Variants in MAP3K7 observed in about 807,000 individuals in gnomAD.
The protein encoded by MAP3K7 is TGF-beta activated kinase 1.
A neutral mutation model predicts 84.8 loss-of-function variants in MAP3K7; 21 were observed. That is an observed-to-expected ratio of 0.25 (90% CI 0.18 to 0.36). The LOEUF (loss-of-function observed/expected upper bound fraction) is 0.36, where lower values mean the gene tolerates loss of function less well. Among genes scored for constraint, MAP3K7 ranks in the 10% least tolerant of loss-of-function variants. The pLI is 1.00. For missense variants in MAP3K7, 503 were observed against 747.7 expected, an observed-to-expected ratio of 0.67 and a Z score of 3.82; for synonymous variants, 241 against 247.7, an observed-to-expected ratio of 0.97 and a Z score of 0.25.
At position 90,516,743 on chromosome 6, in the gene MAP3K7, G is replaced by A. The variant is rs148978657; in HGVS notation, c.1641-62C>T. The A allele has an allele frequency of 6.1e-6, 8 of 1,304,652 alleles. No homozygotes were observed. The African/African-American group carries it at 1.0e-4, about 17-fold the overall frequency. 80.8% of individuals were successfully genotyped at this position (1,304,652 alleles called of 1,614,324 possible). Reference sequence around the variant, plus strand: ...AAAAATTCATACCTTAGTAGCTGATGATGGAAGCTCAATTAATGAGAATTT... The same window carrying A: ...AAAAATTCATACCTTAGTAGCTGATAATGGAAGCTCAATTAATGAGAATTT... On this transcript the variant is annotated intron_variant, in intron 16 of 16. Transcript: ENST00000369329.
intron 9 of MAP3K7, 75 bp from the exon 10 acceptor site, chr6:90,548,252 C>A: frequency 7.8e-7 from 1 of 1,286,024 alleles, no homozygotes; most frequent in Non-Finnish European, 1.1e-6. Flanking sequence ...ATGTAACTTA[C>A]ATTCTTTTAT....
At chr6:90,539,754 A>G (rs887076250) in intron 12 of MAP3K7, among the ~76,000 whole-genome samples, 15 of 151,860 alleles carry the variant, frequency 9.9e-5, no homozygotes, top group African/African-American at 3.4e-4. Flanking sequence ...TAAGCATTCT[A>G]TAAAGCCCTC....
At chr6:90,518,182 A>T (rs904096275) in intron 16 of MAP3K7, among the ~76,000 whole-genome samples, 1 of 151,782 alleles carries the variant, frequency 6.6e-6, no homozygotes, top group South Asian at 2.1e-4. Context: ...AAAACAATAA[A>T]TCTTTATAAT....
chr6:90,518,127 C>A (rs1278362909), intron 16 of MAP3K7, among the ~76,000 whole-genome samples: 1 of 151,646 alleles, frequency 6.6e-6, no homozygotes, highest in Admixed American at 6.6e-5. Flanking sequence ...TAAGATAAGG[C>A]ACAACTGAAT....
chr6:90,565,126 C>A (rs1776658129), intron 3 of MAP3K7, among the ~76,000 whole-genome samples: 1 of 152,054 alleles, frequency 6.6e-6, no homozygotes, highest in Non-Finnish European at 1.5e-5. Flanking sequence ...AAAATTGACA[C>A]CCTAACATCA....
Position 90,553,595 on chromosome 6 carries a change from A to T in MAP3K7, c.608-9T>A, listed in dbSNP as rs751471486. The T allele has an allele frequency of 1.9e-6, 3 of 1,595,520 alleles. No homozygotes were observed. Among genetic ancestry groups the T allele is most frequent in the Non-Finnish European group, 2.6e-6 (3 of 1,174,712 alleles). On this transcript the variant is annotated splice_polypyrimidine_tract_variant and intron_variant, in intron 6 of 16. Coordinates refer to ENST00000369329, the MANE Select transcript of MAP3K7 (RefSeq NM_145331.3). Reference sequence around the variant, plus strand: ...TTCACTGTAATTACTACCTAGAAAAAAAAAAGGTAGTATATAACCTAAAGA... The same window carrying T: ...TTCACTGTAATTACTACCTAGAAAATAAAAAGGTAGTATATAACCTAAAGA...
chr6:90,542,377 G>T (rs1422778138), intron 12 of MAP3K7: 2 of 983,328 alleles, frequency 2.0e-6, no homozygotes, highest in East Asian at 1.1e-4. Flanking sequence ...AGCCTAAAAA[G>T]AATATTTAAT....
At chr6:90,541,486 A>C (rs1194285249) in intron 12 of MAP3K7, among the ~76,000 whole-genome samples, 1 of 151,964 alleles carries the variant, frequency 6.6e-6, no homozygotes, top group African/African-American at 2.4e-5. Flanking sequence ...CCTTGGTAAA[A>C]AGGAGCCAGG....
At chr6:90,581,997 C>T (rs764849241) in intron 1 of MAP3K7, among the ~76,000 whole-genome samples, 2 of 152,170 alleles carry the variant, frequency 1.3e-5, no homozygotes, top group Non-Finnish European at 2.9e-5. Flanking sequence ...ACAAATGCTG[C>T]AGTAATTTTA....
chr6:90,526,798 G>A (rs1343624786), intron 13 of MAP3K7, among the ~76,000 whole-genome samples: 1 of 151,926 alleles, frequency 6.6e-6, no homozygotes, highest in Non-Finnish European at 1.5e-5. Context: ...GGTTTTACAG[G>A]TAAGTTCTAT....
chr6:90,548,291 A>G (rs1243164888), intron 9 of MAP3K7, 114 bp from the exon 10 acceptor site: 4 of 910,406 alleles, frequency 4.4e-6, no homozygotes, highest in South Asian at 2.0e-5. Context: ...CAGAAATAAA[A>G]TAAGACTTTT....
At chr6:90,547,912 G>T (rs1035718657) in intron 10 of MAP3K7, 135 bp downstream of exon 10, 2 of 669,304 alleles carry the variant, frequency 3.0e-6, no homozygotes, top group African/African-American at 1.9e-5. Context: ...GTCTCTATTT[G>T]TAAGCTCTTT....
At chr6:90,553,647 C>G in intron 6 of MAP3K7, 61 bp from the exon 7 acceptor site, 8 of 1,466,102 alleles carry the variant, frequency 5.5e-6, no homozygotes, top group Non-Finnish European at 6.5e-6. Flanking sequence ...CTTACAGAAA[C>G]AATGGCTTAA....
rs1267843766 is a variant in MAP3K7, at chr6:90,563,764, C to T, written c.298-2097G>A. On this transcript the variant is annotated intron_variant, in intron 3 of 16. Transcript: ENST00000369329. ...GAAGAGCAACTCCAAGATACATAAT[C>T]GTCAGATTCACCAAAGTTGAAATGA... 6.6e-5 allele frequency among the ~76,000 whole-genome samples: 10 copies of T among 152,176 alleles called. No homozygotes were observed. The East Asian group carries it at 1.2e-3, about 18-fold the overall frequency.
chr6:90,550,735 C>T, intron 8 of MAP3K7, 186 bp from the exon 9 acceptor site: 1 of 459,992 alleles, frequency 2.2e-6, no homozygotes. Flanking sequence ...ACCTAAGAAT[C>T]TAGCTTACAT....
chr6:90,567,453 AC>A (rs2127982793), intron 3 of MAP3K7, among the ~76,000 whole-genome samples: 1 of 152,382 alleles, frequency 6.6e-6, no homozygotes, highest in East Asian at 1.9e-4. Flanking sequence ...GCCAAAAGAC[AC>A]ATGAAAAAAT....
At chr6:90,571,538 G>A (rs1032142852) in intron 2 of MAP3K7, among the ~76,000 whole-genome samples, 159 bp downstream of exon 2, 7 of 151,954 alleles carry the variant, frequency 4.6e-5, no homozygotes, top group Non-Finnish European at 1.0e-4. Context: ...GAGTATGAAC[G>A]AGAAAATGTT....
At chr6:90,577,760 A>C (rs2127783748) in intron 1 of MAP3K7, among the ~76,000 whole-genome samples, 1 of 152,366 alleles carries the variant, frequency 6.6e-6, no homozygotes, top group Admixed American at 6.5e-5. Flanking sequence ...TAGAAATATA[A>C]ATTCTCAGGG....
chr6:90,566,745 A>G (rs1362628777), intron 3 of MAP3K7, among the ~76,000 whole-genome samples: 5 of 152,098 alleles, frequency 3.3e-5, no homozygotes, highest in Non-Finnish European at 7.4e-5. Context: ...AAAAGAGCCC[A>G]CATTGCCAAG....
Sources: gnomAD v4.1 joint callset for allele counts (sites outside exome capture counted in the v4.1 genomes callset) on GRCh38, gnomAD v4.1.1 for gene constraint, MANE v1.5 for transcripts, NCBI Gene and HGNC (gene_info 2026-07-23, HGNC 2026-07-21) for gene names.